The following PLEKHA5 variants were observed in gnomAD, a reference collection of about 807,000 sequenced individuals.
The protein encoded by PLEKHA5 is pleckstrin homology domain-containing family A member 5.
In PLEKHA5, 55 loss-of-function variants were observed where a neutral mutation model predicts 181.9. The ratio of observed to expected loss-of-function variants is 0.30; its 90% confidence interval spans 0.24 to 0.38. The LOEUF is 0.38. PLEKHA5 is among the 10% of genes least tolerant of loss of function. The pLI is 1.00. For missense variants in PLEKHA5, 1,432 were observed against 1,549.5 expected (o/e 0.92, Z 1.27); for synonymous variants, 535 against 529.4 (o/e 1.01, Z -0.15).
intron 3 of PLEKHA5, among the ~76,000 whole-genome samples, chr12:19,226,951 G>GTT (rs34692505): frequency 1.2e-4 from 18 of 151,112 alleles, no homozygotes; most frequent in Admixed American, 2.6e-4. Context: ...CAATTTTTAA[G>GTT]TTTTTTTTTA....
intron 3 of PLEKHA5, among the ~76,000 whole-genome samples, chr12:19,217,546 A>G (rs180735435): frequency 3.3e-5 from 5 of 152,336 alleles, no homozygotes; most frequent in Admixed American, 2.0e-4. Flanking sequence ...AAAAATGTTC[A>G]ACAGGTATGA....
At chr12:19,255,499 A>G (rs1360419144) in intron 5 of PLEKHA5, among the ~76,000 whole-genome samples, 1 of 152,022 alleles carries the variant, frequency 6.6e-6, no homozygotes. Flanking sequence ...AACATTTTTC[A>G]GCAAAACCAT....
chr12:19,293,563 T>C (rs2079008905), intron 15 of PLEKHA5, among the ~76,000 whole-genome samples: 1 of 152,138 alleles, frequency 6.6e-6, no homozygotes, highest in Admixed American at 6.6e-5. Flanking sequence ...AAAAACTCCT[T>C]TGTATTTAGA....
chr12:19,183,314 C>T (rs2049030162), intron 3 of PLEKHA5, among the ~76,000 whole-genome samples: 1 of 152,168 alleles, frequency 6.6e-6, no homozygotes, highest in Non-Finnish European at 1.5e-5. Context: ...GTGAAGCCAG[C>T]AAACCTTAGT....
At chr12:19,269,550 AAAAG>A (rs530790186) in intron 8 of PLEKHA5, among the ~76,000 whole-genome samples, 26 of 151,964 alleles carry the variant, frequency 1.7e-4, no homozygotes, top group Admixed American at 1.0e-3. Context: ...GCACACAACT[AAAAG>A]AAAGAGGGTA....
At chr12:19,285,878 T>A (rs889160635) in intron 12 of PLEKHA5, among the ~76,000 whole-genome samples, 4 of 152,206 alleles carry the variant, frequency 2.6e-5, no homozygotes, top group African/African-American at 9.6e-5. Context: ...TGTCTCACAG[T>A]AAAACACATG....
chr12:19,176,786 T>C (rs1261981395), intron 3 of PLEKHA5, among the ~76,000 whole-genome samples: 1 of 152,188 alleles, frequency 6.6e-6, no homozygotes, highest in Non-Finnish European at 1.5e-5. Flanking sequence ...ATATATCATA[T>C]GCTACATAAT....
At chr12:19,321,360 CTTTTT>C (rs1158507411) in intron 18 of PLEKHA5, among the ~76,000 whole-genome samples, 9 of 24,202 alleles carry the variant, frequency 3.7e-4, no homozygotes, top group African/African-American at 8.1e-4. Context: ...CTTTTCTTTT[CTTTTT>C]TTTTTTTTTT....
rs373784925 is a variant in PLEKHA5 at position 19,213,026 on chromosome 12, G to A, written c.228-40914G>A. On this transcript the variant is annotated intron_variant, in intron 3 of 31. Transcript: ENST00000429027. Reference sequence around the variant, plus strand: ...TAATCTACCACATAGGGGAAATAGGGTCTATAAGAATATCATTTATGTCAG... The same window carrying A: ...TAATCTACCACATAGGGGAAATAGGATCTATAAGAATATCATTTATGTCAG... Among the ~76,000 whole-genome samples, 12 of 151,992 alleles carry A rather than the reference G, an allele frequency of 7.9e-5. No individual in the cohort carries two copies. In the East Asian group the frequency reaches 1.6e-3, roughly 20 times the overall value.
Position 19,274,600 on chromosome 12 carries a change from C to A in PLEKHA5, c.930C>A (p.Ile310=), listed in dbSNP as rs1325049664. 1.4e-5 allele frequency: 22 copies of A among 1,612,900 alleles called. No individual in the cohort carries two copies. Among genetic ancestry groups the A allele is most frequent in the Non-Finnish European group, 1.9e-5 (22 of 1,179,460 alleles). The change falls in exon 11 of 32, where the codon ATC becomes ATA. Residue 310 remains isoleucine, a synonymous_variant. Transcript: ENST00000429027. ...PNHRVLIKPE[I]QNNQKNKEMS... is the part of the protein sequence containing the mutation. ...ATAGAGTGCTAATTAAACCAGAGATCCAAAACAATCAAAAAAACAAGGAAA... is the reference window on the plus strand; with the variant it reads ...ATAGAGTGCTAATTAAACCAGAGATACAAAACAATCAAAAAAACAAGGAAA...
chr12:19,342,048 C>T (rs534848780), intron 21 of PLEKHA5, among the ~76,000 whole-genome samples: 1 of 152,146 alleles, frequency 6.6e-6, no homozygotes, highest in East Asian at 1.9e-4. Flanking sequence ...CATATTTCTA[C>T]CCATTAGAGG....
At chr12:19,205,321 G>A in intron 3 of PLEKHA5, 12 of 958,938 alleles carry the variant, frequency 1.3e-5, no homozygotes, top group Non-Finnish European at 1.5e-5. Context: ...AGTGGAAAGA[G>A]CAGAAAAGAG....
intron 21 of PLEKHA5, among the ~76,000 whole-genome samples, chr12:19,341,276 CA>C (rs1200856371): frequency 6.7e-6 from 1 of 149,498 alleles, no homozygotes; most frequent in African/African-American, 2.5e-5. Context: ...GACTCAGCCT[CA>C]AAAAAAATGA....
chr12:19,361,485 G>A (rs1190070537), intron 28 of PLEKHA5, 97 bp from the exon 29 acceptor site: 2 of 701,504 alleles, frequency 2.9e-6, no homozygotes, highest in African/African-American at 3.6e-5. Flanking sequence ...GCCCGACCGT[G>A]ATTGTTCAAT....
At chr12:19,306,299 A>T in intron 15 of PLEKHA5, 1 of 370,036 alleles carries the variant, frequency 2.7e-6, no homozygotes, top group Non-Finnish European at 5.3e-6. Flanking sequence ...GCTAGAGTTA[A>T]TTATGAAAAT....
chr12:19,212,070 A>G (rs747005728), intron 3 of PLEKHA5, among the ~76,000 whole-genome samples: 2 of 152,206 alleles, frequency 1.3e-5, no homozygotes, highest in Non-Finnish European at 2.9e-5. Flanking sequence ...ATGAACTTCT[A>G]TAAATTTTAT....
intron 25 of PLEKHA5, among the ~76,000 whole-genome samples, chr12:19,353,192 C>T (rs2094705196): frequency 1.3e-5 from 2 of 150,752 alleles, no homozygotes; most frequent in Non-Finnish European, 3.0e-5. Flanking sequence ...TCTTCTCTGT[C>T]ACCCAGGCTG....
chr12:19,300,814 C>T (rs1306988060), intron 15 of PLEKHA5, among the ~76,000 whole-genome samples: 1 of 151,972 alleles, frequency 6.6e-6, no homozygotes, highest in East Asian at 1.9e-4. Flanking sequence ...AATCCAGATC[C>T]TTCTATCTAG....
At chr12:19,223,346 G>GT (rs1279411540) in intron 3 of PLEKHA5, among the ~76,000 whole-genome samples, 1 of 151,824 alleles carries the variant, frequency 6.6e-6, no homozygotes, top group African/African-American at 2.4e-5. Context: ...AAATGTTTTT[G>GT]TTTTTTTAAA....
Sources: gnomAD v4.1 joint callset for allele counts (sites outside exome capture counted in the v4.1 genomes callset) on GRCh38, gnomAD v4.1.1 for gene constraint, MANE v1.5 for transcripts, NCBI Gene and HGNC (gene_info 2026-07-23, HGNC 2026-07-21) for gene names.